Variants in TRDN observed in about 807,000 individuals in gnomAD.
The protein encoded by TRDN is triadin in skeletal muscle.
In TRDN, 161 loss-of-function variants were observed where a neutral mutation model predicts 149.7. The ratio of observed to expected loss-of-function variants is 1.08; its 90% CI spans 0.95 to 1.23. The LOEUF (loss-of-function observed/expected upper bound fraction) is 1.23, where lower values mean the gene tolerates loss of function less well. TRDN is among the 50% of genes most tolerant of loss of function. TRDN has a pLI of 0.00. For synonymous variants in TRDN, 294 were observed against 250.5 expected, an observed-to-expected ratio of 1.17 and a Z score of -1.64; for missense variants, 896 against 823.5, an observed-to-expected ratio of 1.09 and a Z score of -1.08.
intron 1 of TRDN, among the ~76,000 whole-genome samples, chr6:123,601,468 G>A (rs1238563742): frequency 1.3e-5 from 2 of 152,142 alleles, no homozygotes; most frequent in Non-Finnish European, 2.9e-5. Flanking sequence ...CATCATAACA[G>A]GGACTATATT....
intron 23 of TRDN, among the ~76,000 whole-genome samples, chr6:123,318,976 A>C (rs1779140497): frequency 6.6e-6 from 1 of 152,020 alleles, no homozygotes; most frequent in Admixed American, 6.6e-5. Flanking sequence ...CCTTAGGACA[A>C]GTTCTTTTGG....
At chr6:123,392,722 C>T (rs927327074) in intron 13 of TRDN, among the ~76,000 whole-genome samples, 22 of 151,916 alleles carry the variant, frequency 1.4e-4, no homozygotes, top group Non-Finnish European at 2.8e-4. Flanking sequence ...AGTCAAATGG[C>T]ATTTAACAAA....
At chr6:123,468,360 A>G (rs2114724388) in intron 9 of TRDN, among the ~76,000 whole-genome samples, 1 of 152,274 alleles carries the variant, frequency 6.6e-6, no homozygotes, top group Non-Finnish European at 1.5e-5. Context: ...AAACACAGTA[A>G]GTTGGCTTCA....
intron 4 of TRDN, among the ~76,000 whole-genome samples, chr6:123,538,497 C>T (rs996614850): frequency 6.6e-6 from 1 of 151,988 alleles, no homozygotes; most frequent in African/African-American, 2.4e-5. Flanking sequence ...CTGGGGAAAG[C>T]GTACTACTCA....
At chr6:123,261,256 T>G (rs985030379) in intron 33 of TRDN, among the ~76,000 whole-genome samples, 1 of 151,890 alleles carries the variant, frequency 6.6e-6, no homozygotes, top group Admixed American at 6.6e-5. Flanking sequence ...ATGCAAACAT[T>G]CATTCATATA....
chr6:123,310,435 G>A (rs918348807), intron 24 of TRDN, among the ~76,000 whole-genome samples: 1 of 152,010 alleles, frequency 6.6e-6, no homozygotes, highest in African/African-American at 2.4e-5. Context: ...ACCAGCAGGA[G>A]TGAAAACCTT....
chr6:123,270,063 T>A (rs1397817766), intron 30 of TRDN, among the ~76,000 whole-genome samples, 197 bp from the exon 31 acceptor site: 1 of 152,070 alleles, frequency 6.6e-6, no homozygotes, highest in Non-Finnish European at 1.5e-5. Flanking sequence ...GTAAGACACA[T>A]GCTACGCACA....
chr6:123,540,746 C>T (rs1214587745), intron 4 of TRDN, among the ~76,000 whole-genome samples: 2 of 152,122 alleles, frequency 1.3e-5, no homozygotes, highest in African/African-American at 4.8e-5. Flanking sequence ...CCTCCATTTC[C>T]TGACCTCGTG....
intron 1 of TRDN, among the ~76,000 whole-genome samples, chr6:123,594,450 T>C (rs1471983369): frequency 6.6e-6 from 1 of 152,084 alleles, no homozygotes; most frequent in Non-Finnish European, 1.5e-5. Context: ...CTATAGGTTG[T>C]AGCTTTTATA....
intron 1 of TRDN, among the ~76,000 whole-genome samples, chr6:123,615,313 A>T (rs1278909244): frequency 2.0e-5 from 3 of 152,138 alleles, no homozygotes; most frequent in Non-Finnish European, 4.4e-5. Context: ...ATCCAAACGA[A>T]TTGAAATCAG....
chr6:123,623,389 T>C (rs1785494094), intron 1 of TRDN, among the ~76,000 whole-genome samples: 1 of 152,124 alleles, frequency 6.6e-6, no homozygotes, highest in South Asian at 2.1e-4. Context: ...GCATCTATAC[T>C]CATCTTTATG....
chr6:123,230,207 T>TA (rs1044132959), intron 38 of TRDN, among the ~76,000 whole-genome samples: 17 of 151,772 alleles, frequency 1.1e-4, no homozygotes, highest in African/African-American at 3.9e-4. Flanking sequence ...TATGCAGCCA[T>TA]AAAAAAAGGA....
At chr6:123,468,681 C>G (rs930589140) in intron 9 of TRDN, 1 of 152,178 alleles carries the variant, frequency 6.6e-6, no homozygotes, top group African/African-American at 2.4e-5. Context: ...GAAGTTTAAT[C>G]TATCTAGTTT....
At chr6:123,446,887 T>A (rs554885874) in intron 10 of TRDN, among the ~76,000 whole-genome samples, 2 of 151,490 alleles carry the variant, frequency 1.3e-5, no homozygotes, top group Admixed American at 1.3e-4. Context: ...GGGAAAAAAA[T>A]AATTCAGAAC....
chr6:123,317,794 C>T (rs548006841), intron 23 of TRDN, among the ~76,000 whole-genome samples: 3 of 151,796 alleles, frequency 2.0e-5, no homozygotes, highest in African/African-American at 4.8e-5. Context: ...ATATGATCAA[C>T]AAATATTGTT....
At chr6:123,413,081 A>G (rs900432990) in intron 12 of TRDN, among the ~76,000 whole-genome samples, 18 of 152,206 alleles carry the variant, frequency 1.2e-4, no homozygotes, top group Admixed American at 2.6e-4. Flanking sequence ...GAAAAGCAAT[A>G]TAAGAAATCA....
chr6:123,483,923 T>C (rs568537676), intron 9 of TRDN, among the ~76,000 whole-genome samples: 1 of 152,312 alleles, frequency 6.6e-6, no homozygotes, highest in South Asian at 2.1e-4. Context: ...AATAACAGTA[T>C]TATTATGTCT....
chr6:123,218,494 T>C lies in TRDN; in HGVS notation c.*107A>G, dbSNP rs145794573. The C allele has an allele frequency of 1.1e-4, 152 of 1,364,518 alleles. No homozygotes were observed. The African/African-American group carries it at 2.0e-3, about 18-fold the overall frequency. 84.5% of individuals were successfully genotyped at this position (1,364,518 alleles called of 1,614,324 possible). A position where few individuals can be genotyped will look rare whatever the true frequency, so the allele number is the denominator to read the frequency against. ...ACACCAGGCCAAAGAGCAAAATGTT[T>C]TCACAGAAATTCTCTGGGTTGCATA... On this transcript the variant is annotated 3_prime_UTR_variant, in exon 41 of 41. Coordinates refer to ENST00000334268, the MANE Select transcript of TRDN (RefSeq NM_006073.4).
chr6:123,383,146 G>T (rs1781781843), intron 14 of TRDN, among the ~76,000 whole-genome samples: 1 of 151,952 alleles, frequency 6.6e-6, no homozygotes, highest in African/African-American at 2.4e-5. Flanking sequence ...ACAGAGGTGT[G>T]GTGGTATCAC....
Sources: gnomAD v4.1 joint callset for allele counts (sites outside exome capture counted in the v4.1 genomes callset) on GRCh38, gnomAD v4.1.1 for gene constraint, MANE v1.5 for transcripts, NCBI Gene and HGNC (gene_info 2026-07-23, HGNC 2026-07-21) for gene names.